Variants in PRRC2C observed in about 807,000 individuals in gnomAD.
PRRC2C encodes proline rich coiled-coil 2C, also known as protein PRRC2C.
PRRC2C carries 72 observed loss-of-function variants against 317.2 expected under a neutral mutation model. The ratio of observed to expected loss-of-function variants is 0.23; its 90% CI spans 0.19 to 0.28. The LOEUF (loss-of-function observed/expected upper bound fraction) is 0.28, where lower values mean the gene tolerates loss of function less well. PRRC2C is among the 10% of genes least tolerant of loss of function. PRRC2C has a pLI of 1.00. For synonymous variants in PRRC2C, 1,296 were observed against 1,205.9 expected (o/e 1.07, Z -1.55); for missense variants, 3,074 against 3,459.7 (o/e 0.89, Z 2.80).
At position 171,540,191 on chromosome 1, in the gene PRRC2C, C is replaced by T. The variant is rs1457370495; in HGVS notation, c.2725C>T (p.Pro909Ser). Residue 909 changes from proline to serine, a missense_variant, in exon 16 of 35, where the codon CCT becomes TCT. Physicochemically the swap from Pro to Ser is moderately conservative, Grantham distance 74. Coordinates refer to ENST00000647382, the MANE Select transcript of PRRC2C (RefSeq NM_001387844.1). Reference protein sequence around the residue: ...EAPDQKTLSAPQEERISAVES... With the variant: ...EAPDQKTLSASQEERISAVES... ...ACCTGATCAAAAGACCTTATCCGCT[C>T]CTCAAGAGGAGCGGATTTCAGCTGT... The T allele has an allele frequency of 6.2e-7, 1 of 1,613,918 alleles. No homozygotes were observed. Among genetic ancestry groups the T allele is most frequent in the East Asian group, 2.2e-5 (1 of 44,866 alleles).
In PRRC2C at chr1:171,558,010, A is replaced by G. The variant is rs373771784; in HGVS notation, c.5898A>G (p.Gln1966=). Residue 1966 remains glutamine, a synonymous_variant, in exon 19 of 35, where the codon CAA becomes CAG. Coordinates refer to ENST00000647382, the MANE Select transcript of PRRC2C (RefSeq NM_001387844.1). ...CATCAATTAGGCTGCCTTCAGCTCA[A>G]ACACCTAATGGCACAGATTATGTAG... The part of the protein sequence containing the change: ...PPPSIRLPSA[Q]TPNGTDYVAS... 97 of 1,613,992 alleles carry G rather than the reference A, an allele frequency of 6.0e-5. No homozygotes were observed. In the African/African-American group the frequency reaches 9.5e-4, roughly 16 times the overall value.
Position 171,514,599 on chromosome 1 carries a change from T to G in PRRC2C, c.354T>G (p.Pro118=), listed in dbSNP as rs757525183. 5.8e-6 allele frequency: 9 copies of G among 1,561,816 alleles called. No individual in the cohort carries two copies. In the East Asian group the frequency reaches 1.9e-4, roughly 33 times the overall value. Residue 118 remains proline (P), a synonymous_variant, in exon 4 of 35, where the codon CCT becomes CCG. Transcript: ENST00000647382. Reference sequence around the variant, plus strand: ...TTGCAGCTCCCCCAGAAGTAGCACCTGCTCCCAAATCATGGGCCAGTAACA... The same window carrying G: ...TTGCAGCTCCCCCAGAAGTAGCACCGGCTCCCAAATCATGGGCCAGTAACA... ...PGVAAPPEVA[P]APKSWASNKQ...
At chr1:171,532,261 G>A (rs763085661) in intron 11 of PRRC2C, 82 bp from the exon 12 acceptor site, 3 of 1,400,374 alleles carry the variant, frequency 2.1e-6, no homozygotes, top group Non-Finnish European at 2.9e-6. Context: ...ATTTTTGTGG[G>A]GTTTTTCCTT....
At chr1:171,563,905 C>T (rs1326597833) in intron 20 of PRRC2C, among the ~76,000 whole-genome samples, 1 of 152,130 alleles carries the variant, frequency 6.6e-6, no homozygotes, top group African/African-American at 2.4e-5. Context: ...CAAGATTTTT[C>T]TTGCAGGCAT....
chr1:171,499,157 A>G (rs1270083090), intron 1 of PRRC2C, among the ~76,000 whole-genome samples: 2 of 152,094 alleles, frequency 1.3e-5, no homozygotes, highest in East Asian at 1.9e-4. Flanking sequence ...TGTCTTTCAC[A>G]TTCTCCCATT....
intron 26 of PRRC2C, among the ~76,000 whole-genome samples, chr1:171,578,495 C>G (rs1647714949): frequency 1.3e-5 from 2 of 152,194 alleles, no homozygotes; most frequent in African/African-American, 4.8e-5. Flanking sequence ...AATCATGCCA[C>G]TGCACTCCAG....
chr1:171,535,913 G>T (rs1185093042), intron 13 of PRRC2C, 116 bp from the exon 14 acceptor site: 11 of 1,332,916 alleles, frequency 8.3e-6, no homozygotes, highest in African/African-American at 1.5e-5. Flanking sequence ...AATACCTTTT[G>T]AACTCTTACT....
At chr1:171,496,693 C>G (rs1323179865) in intron 1 of PRRC2C, among the ~76,000 whole-genome samples, 1 of 151,986 alleles carries the variant, frequency 6.6e-6, no homozygotes, top group African/African-American at 2.4e-5. Context: ...TCACCAGAAA[C>G]TTTAAATTTA....
At chr1:171,555,112 A>T (rs1681101876) in intron 18 of PRRC2C, among the ~76,000 whole-genome samples, 1 of 152,074 alleles carries the variant, frequency 6.6e-6, no homozygotes, top group Non-Finnish European at 1.5e-5. Context: ...TCAAATGTAG[A>T]TTTGGTCTTT....
At chr1:171,590,360 C>T (rs1651157015) in intron 34 of PRRC2C, among the ~76,000 whole-genome samples, 1 of 152,198 alleles carries the variant, frequency 6.6e-6, no homozygotes. Flanking sequence ...CCTTACATGT[C>T]TGCCAGTACA....
intron 31 of PRRC2C, 101 bp downstream of exon 31, chr1:171,587,322 T>C (rs913443351): frequency 4.5e-6 from 5 of 1,106,296 alleles, no homozygotes; most frequent in Non-Finnish European, 6.3e-6. Context: ...CGTCAGTTTT[T>C]ACCACCCTGC....
chr1:171,557,897 C>T lies in PRRC2C; in HGVS notation c.5785C>T (p.Pro1929Ser). ...TPVSAPNPAP[P>S]APAQTQAQTH... ...AGTCTCAGCCCCAAATCCTGCCCCA[C>T]CTGCCCCAGCCCAGACTCAGGCACA... The change falls in exon 19 of 35, where the codon CCT becomes TCT. Residue 1929 changes from proline (P) to serine (S), a missense_variant. Physicochemically the swap from Pro to Ser is moderately conservative, Grantham distance 74 (BLOSUM62 -1). Coordinates refer to ENST00000647382, the MANE Select transcript of PRRC2C (RefSeq NM_001387844.1). 6.4e-7 allele frequency: 1 copy of T among 1,551,920 alleles called. No individual in the cohort carries two copies. The highest frequency in any genetic ancestry group is 8.7e-7 in the Non-Finnish European group (1 of 1,147,462).
intron 30 of PRRC2C, among the ~76,000 whole-genome samples, chr1:171,584,945 T>C (rs1044321146): frequency 1.3e-5 from 2 of 152,156 alleles, no homozygotes; most frequent in African/African-American, 4.8e-5. Context: ...CTAATTTTTC[T>C]TCGTAGTTTT....
intron 19 of PRRC2C, among the ~76,000 whole-genome samples, chr1:171,559,671 G>T (rs374054798): frequency 6.6e-6 from 1 of 151,918 alleles, no homozygotes; most frequent in Non-Finnish European, 1.5e-5. Context: ...ACAGGCACAC[G>T]TCACCATGCC....
intron 1 of PRRC2C, among the ~76,000 whole-genome samples, chr1:171,487,308 G>A (rs928808518): frequency 1.7e-4 from 26 of 152,248 alleles, no homozygotes; most frequent in African/African-American, 6.0e-4. Flanking sequence ...TATTGTGTAG[G>A]TTCAATTCCA....
chr1:171,554,501 C>A (rs1680954826), intron 18 of PRRC2C, among the ~76,000 whole-genome samples: 1 of 152,122 alleles, frequency 6.6e-6, no homozygotes, highest in South Asian at 2.1e-4. Flanking sequence ...TGAATTTGAT[C>A]CTGTCATTAT....
intron 11 of PRRC2C, among the ~76,000 whole-genome samples, chr1:171,530,244 T>A (rs1231284303): frequency 1.3e-5 from 1 of 74,594 alleles, no homozygotes; most frequent in East Asian, 4.3e-4. Flanking sequence ...GTAGCTGGGC[T>A]TTTTTTTTTT....
At chr1:171,580,544 C>A (rs977636487) in intron 28 of PRRC2C, among the ~76,000 whole-genome samples, 1 of 152,194 alleles carries the variant, frequency 6.6e-6, no homozygotes, top group African/African-American at 2.4e-5. Context: ...AGATATTCAG[C>A]CTTTCACATA....
chr1:171,577,705 C>T (rs1246729314), intron 26 of PRRC2C, 68 bp downstream of exon 26: 6 of 1,386,124 alleles, frequency 4.3e-6, no homozygotes, highest in Non-Finnish European at 6.0e-6. Flanking sequence ...TTATTTTTGT[C>T]TCTTCTTACC....
Sources: allele counts gnomAD v4.1 joint callset (sites outside exome capture counted in the v4.1 genomes callset), GRCh38; gene constraint gnomAD v4.1.1; transcripts MANE v1.5; gene names NCBI Gene and HGNC (gene_info 2026-07-23, HGNC 2026-07-21).